The following CACNB2 variants were observed in gnomAD, a reference collection of about 807,000 sequenced individuals.
The protein encoded by CACNB2 is calcium voltage-gated channel auxiliary subunit beta 2.
In CACNB2, 42 loss-of-function variants were observed where a neutral mutation model predicts 73.3. The observed-to-expected ratio is 0.57, with a 90% CI of 0.45 to 0.74. The LOEUF (loss-of-function observed/expected upper bound fraction) is 0.74, where lower values mean the gene tolerates loss of function less well. CACNB2 is among the 30% of genes least tolerant of loss of function. The pLI, the probability that CACNB2 is intolerant of heterozygous loss-of-function variation, is 0.00. For synonymous variants in CACNB2, 348 were observed against 310.3 expected (o/e 1.12, Z -1.28); for missense variants, 940 against 853.0 (o/e 1.10, Z -1.27).
chr10:18,489,986 T>C (rs2049315821), intron 3 of CACNB2, among the ~76,000 whole-genome samples: 1 of 152,072 alleles, frequency 6.6e-6, no homozygotes, highest in Non-Finnish European at 1.5e-5. Flanking sequence ...CAAGCGATCC[T>C]CCCACCTCAG....
At chr10:18,376,170 T>G (rs757397874) in intron 2 of CACNB2, among the ~76,000 whole-genome samples, 1 of 152,192 alleles carries the variant, frequency 6.6e-6, no homozygotes, top group Non-Finnish European at 1.5e-5. Context: ...CCATAAAAAA[T>G]CAGTTTCTGT....
At chr10:18,342,761 A>G (rs924425597) in intron 2 of CACNB2, among the ~76,000 whole-genome samples, 62 of 152,294 alleles carry the variant, frequency 4.1e-4, no homozygotes, top group African/African-American at 1.4e-3. Flanking sequence ...AAGTTCTCCA[A>G]TAATGACAGA....
chr10:18,527,661 G>A lies in CACNB2; in HGVS notation c.1018G>A (p.Ala340Thr), dbSNP rs140614930. 1.2e-5 allele frequency: 19 copies of A among 1,613,530 alleles called. No individual in the cohort carries two copies. The African/African-American group carries it at 1.7e-4, about 15-fold the overall frequency. ...RSVLNNPSKH[A>T]IIERSNTRSS... ...GGTATTAAACAATCCCAGTAAGCAC[G>A]CAATAATAGAAAGATCCAACACAAG... The change falls in exon 10 of 14, where the codon GCA (alanine) becomes ACA (threonine). Residue 340 changes from alanine to threonine, a missense_variant. Transcript: ENST00000324631.
chr10:18,244,539 A>G (rs1160069118), intron 2 of CACNB2, among the ~76,000 whole-genome samples: 1 of 152,204 alleles, frequency 6.6e-6, no homozygotes, highest in Admixed American at 6.5e-5. Context: ...ACACCTAGCA[A>G]TTTTGTTGGA....
intron 1 of CACNB2, among the ~76,000 whole-genome samples, chr10:18,142,236 G>A (rs1414463731): frequency 1.3e-5 from 2 of 152,212 alleles, no homozygotes; most frequent in Non-Finnish European, 2.9e-5. Context: ...TTGAGAAGGG[G>A]AAGAATGTGG....
intron 7 of CACNB2, 145 bp downstream of exon 7, chr10:18,514,514 A>T: frequency 6.2e-7 from 1 of 1,614,014 alleles, no homozygotes; most frequent in South Asian, 1.1e-5. Context: ...GCTGTAGCTA[A>T]GCAGAAGCAG....
chr10:18,192,927 T>C (rs2034468137), intron 2 of CACNB2, among the ~76,000 whole-genome samples: 1 of 152,228 alleles, frequency 6.6e-6, no homozygotes, highest in Non-Finnish European at 1.5e-5. Flanking sequence ...CTTTTGGCTA[T>C]TGTGAATTGA....
At chr10:18,311,608 A>G (rs958301194) in intron 2 of CACNB2, among the ~76,000 whole-genome samples, 1 of 152,264 alleles carries the variant, frequency 6.6e-6, no homozygotes, top group Admixed American at 6.5e-5. Context: ...TAAAAAAATT[A>G]TAAGTAAAAA....
At chr10:18,165,076 T>C (rs2032753624) in intron 2 of CACNB2, among the ~76,000 whole-genome samples, 1 of 152,218 alleles carries the variant, frequency 6.6e-6, no homozygotes, top group Non-Finnish European at 1.5e-5. Flanking sequence ...CATTACGAGT[T>C]CTGCAAAAGA....
At chr10:18,373,780 G>A (rs2042683676) in intron 2 of CACNB2, among the ~76,000 whole-genome samples, 1 of 152,154 alleles carries the variant, frequency 6.6e-6, no homozygotes, top group Admixed American at 6.6e-5. Context: ...CAGTTGCTAT[G>A]TGATTTGCTT....
intron 12 of CACNB2, among the ~76,000 whole-genome samples, 184 bp from the exon 13 acceptor site, chr10:18,537,996 A>G (rs2053771816): frequency 6.6e-6 from 1 of 152,222 alleles, no homozygotes; most frequent in Admixed American, 6.5e-5. Context: ...AGTGCCCTCA[A>G]CAATGATTTG....
intron 2 of CACNB2, among the ~76,000 whole-genome samples, chr10:18,355,923 A>G (rs1309835089): frequency 6.6e-6 from 1 of 152,126 alleles, no homozygotes; most frequent in Non-Finnish European, 1.5e-5. Flanking sequence ...GGCGTGAGCC[A>G]CCATGCCCGG....
intron 2 of CACNB2, among the ~76,000 whole-genome samples, chr10:18,274,586 T>C (rs1161166337): frequency 6.6e-6 from 1 of 152,226 alleles, no homozygotes; most frequent in East Asian, 1.9e-4. Context: ...GGGTTGTACA[T>C]GTTTTAAAAG....
At position 18,171,588 on chromosome 10, in the gene CACNB2, A is replaced by T. The variant is rs534846242; in HGVS notation, c.213+20613A>T. On this transcript the variant is annotated intron_variant, in intron 2 of 13. Transcript: ENST00000324631. ...TCTTCATCCTTCTTAATTCCAGTTT[A>T]AAAAAAAAAAAAAAAGGAAGGACTC... Among the ~76,000 whole-genome samples the T allele has an allele frequency of 3.8e-3, 467 of 124,354 alleles. 15 individuals carry two copies. Among genetic ancestry groups the T allele is most frequent in the Admixed American group, 0.033 (362 of 10,932 alleles). The allele number at this position is 124,354 out of a possible 152,430, so 81.6% of individuals were successfully genotyped here. A position where few individuals can be genotyped will look rare whatever the true frequency, so the allele number is the denominator to read the frequency against.
At chr10:18,481,155 C>A (rs1202567836) in intron 3 of CACNB2, among the ~76,000 whole-genome samples, 1 of 124,750 alleles carries the variant, frequency 8.0e-6, no homozygotes, top group African/African-American at 3.0e-5. Context: ...AAATCTTTGA[C>A]CAAGAGGTGA....
chr10:18,473,551 G>T (rs765228479), intron 3 of CACNB2, among the ~76,000 whole-genome samples: 1 of 152,044 alleles, frequency 6.6e-6, no homozygotes, highest in Admixed American at 6.6e-5. Context: ...CCTTAATGAC[G>T]CATGCAGAGC....
intron 2 of CACNB2, among the ~76,000 whole-genome samples, chr10:18,315,716 C>T (rs1208154622): frequency 6.6e-6 from 1 of 151,526 alleles, no homozygotes; most frequent in Non-Finnish European, 1.5e-5. Flanking sequence ...CAAAATGAAA[C>T]TAAAAAGAGT....
chr10:18,287,096 AG>A (rs1231693103), intron 2 of CACNB2, among the ~76,000 whole-genome samples: 1 of 152,166 alleles, frequency 6.6e-6, no homozygotes, highest in Non-Finnish European at 1.5e-5. Flanking sequence ...TGGGAGGCTG[AG>A]GTGGGTAGAT....
rs1346205225 is a variant in CACNB2, at chr10:18,258,387, G to A, written c.213+107412G>A. On this transcript the variant is annotated intron_variant, in intron 2 of 13. Coordinates refer to ENST00000324631, the MANE Select transcript of CACNB2 (RefSeq NM_201596.3). ...AAGCTAAATTTTTATTCTTTATTCA[G>A]TTATTCTAGTAAAAATGTGGTGATA... Among the ~76,000 whole-genome samples the A allele has an allele frequency of 2.0e-5, 3 of 152,208 alleles. No homozygotes were observed. In the South Asian group the frequency reaches 6.2e-4, roughly 32 times the overall value.
Sources: allele counts gnomAD v4.1 joint callset (sites outside exome capture counted in the v4.1 genomes callset), GRCh38; gene constraint gnomAD v4.1.1; transcripts MANE v1.5; gene names NCBI Gene and HGNC (gene_info 2026-07-23, HGNC 2026-07-21).